The following KIF26B variants were observed in gnomAD, a reference collection of about 807,000 sequenced individuals.
The protein encoded by KIF26B is kinesin-like protein KIF26B.
In KIF26B, 63 loss-of-function variants were observed where a neutral mutation model predicts 151.2. The ratio of observed to expected loss-of-function variants is 0.42; its 90% CI spans 0.34 to 0.51. The LOEUF is 0.51. Ranked by LOEUF, KIF26B falls within the 20% of genes least tolerant of loss-of-function variation. KIF26B has a pLI of 0.07. For synonymous variants in KIF26B, 1,357 were observed against 1,262.1 expected (o/e 1.08, Z -1.59); for missense variants, 2,813 against 2,913.6 (o/e 0.97, Z 0.79).
chr1:245,327,710 A>G (rs940110249), intron 2 of KIF26B, among the ~76,000 whole-genome samples: 2 of 152,244 alleles, frequency 1.3e-5, no homozygotes, highest in African/African-American at 4.8e-5. Context: ...ATTGAGAAGG[A>G]AAGAGTCTAG....
At chr1:245,212,217 T>A (rs1173969025) in intron 2 of KIF26B, among the ~76,000 whole-genome samples, 1 of 152,168 alleles carries the variant, frequency 6.6e-6, no homozygotes, top group Non-Finnish European at 1.5e-5. Context: ...ATAATTCCAC[T>A]TGGGAGAGAA....
chr1:245,574,927 C>T (rs111972128), intron 5 of KIF26B, among the ~76,000 whole-genome samples: 3,468 of 146,018 alleles, frequency 0.024, 154 homozygotes, highest in African/African-American at 0.082. Context: ...GCCAGTGGCG[C>T]GATCTCGGCT....
chr1:245,192,614 A>G (rs1450971128), intron 2 of KIF26B, among the ~76,000 whole-genome samples: 3 of 152,250 alleles, frequency 2.0e-5, no homozygotes, highest in Non-Finnish European at 4.4e-5. Context: ...TTAAAATAAT[A>G]TAAACTTCCA....
chr1:245,423,450 C>T (rs1658541351), intron 4 of KIF26B, among the ~76,000 whole-genome samples: 1 of 151,530 alleles, frequency 6.6e-6, no homozygotes, highest in African/African-American at 2.4e-5. Flanking sequence ...CTGTGCTAAA[C>T]AGACACAGGA....
chr1:245,196,688 T>G (rs960219822), intron 2 of KIF26B, among the ~76,000 whole-genome samples: 3 of 152,166 alleles, frequency 2.0e-5, no homozygotes, highest in African/African-American at 4.8e-5. Context: ...GATATTTTTT[T>G]AAGTGCATCT....
rs1450311356 is a variant in KIF26B, at chr1:245,238,001, G to A, written c.465+81318G>A. Among the ~76,000 whole-genome samples the A allele has an allele frequency of 4.6e-5, 7 of 150,580 alleles. No homozygotes were observed. In the East Asian group the frequency reaches 1.2e-3, roughly 25 times the overall value. ...TGATTGCACTACTGCACTCCAACCT[G>A]GGCAACAGAGCAAGACCCTGTCTCA... On this transcript the variant is annotated intron_variant, in intron 2 of 14. Transcript: ENST00000407071.
intron 4 of KIF26B, among the ~76,000 whole-genome samples, chr1:245,423,709 A>G (rs1188718742): frequency 6.6e-6 from 1 of 152,020 alleles, no homozygotes; most frequent in Non-Finnish European, 1.5e-5. Flanking sequence ...GACGAAAAAT[A>G]TGTCTATCCT....
chr1:245,173,881 G>C (rs982206792), intron 2 of KIF26B, among the ~76,000 whole-genome samples: 1 of 152,236 alleles, frequency 6.6e-6, no homozygotes, highest in Non-Finnish European at 1.5e-5. Context: ...ACACGGGCCA[G>C]ACCCACGCTG....
intron 4 of KIF26B, among the ~76,000 whole-genome samples, chr1:245,423,429 G>C (rs1572054600): frequency 1.3e-5 from 2 of 151,872 alleles, no homozygotes; most frequent in African/African-American, 4.8e-5. Context: ...GAGACCCCAG[G>C]TTCCTATTCT....
chr1:245,579,116 TTTGAG>T (rs1362473389), intron 5 of KIF26B, among the ~76,000 whole-genome samples: 2 of 152,192 alleles, frequency 1.3e-5, no homozygotes, highest in Non-Finnish European at 2.9e-5. Context: ...ATTCTCTGTC[TTTGAG>T]TTATTTTCTT....
chr1:245,685,786 T>C lies in KIF26B; in HGVS notation c.2803T>C (p.Cys935Arg), dbSNP rs1257519940. The change falls in exon 12 of 15, where the codon TGC becomes CGC. Residue 935 changes from cysteine (C) to arginine (R), a missense_variant. Around this residue, in one of 3 missense-constraint regions of KIF26B, gnomAD observed 2,060 missense variants for 2,088.6 expected, o/e 0.99. Transcript: ENST00000407071. ...TGCCGAGCTGCAGGAGAGGCTGGAC[T>C]GCATCGACGGCAGCGAGGAGCCCAG... ...TFAELQERLD[C>R]IDGSEEPSSF... The C allele has an allele frequency of 6.2e-7, 1 of 1,610,210 alleles. No individual in the cohort carries two copies. Among genetic ancestry groups the C allele is most frequent in the South Asian group, 1.1e-5 (1 of 91,014 alleles).
intron 2 of KIF26B, among the ~76,000 whole-genome samples, chr1:245,200,244 A>G (rs971592838): frequency 6.6e-5 from 10 of 152,248 alleles, no homozygotes; most frequent in African/African-American, 2.4e-4. Flanking sequence ...CGACTACTGC[A>G]GCAGCACACA....
intron 2 of KIF26B, among the ~76,000 whole-genome samples, chr1:245,312,933 G>A (rs1167332347): frequency 4.6e-5 from 7 of 152,024 alleles, no homozygotes; most frequent in Admixed American, 1.3e-4. Context: ...AGGCTGAGGC[G>A]GGCAGATCAC....
At chr1:245,288,556 G>T (rs1217040715) in intron 2 of KIF26B, among the ~76,000 whole-genome samples, 1 of 152,186 alleles carries the variant, frequency 6.6e-6, no homozygotes, top group African/African-American at 2.4e-5. Context: ...GTCCATCAGG[G>T]ATGAAGTCTT....
At chr1:245,471,471 AC>A (rs1659911916) in intron 4 of KIF26B, among the ~76,000 whole-genome samples, 1 of 152,172 alleles carries the variant, frequency 6.6e-6, no homozygotes, top group African/African-American at 2.4e-5. Context: ...ACTAAAAGAC[AC>A]CTATAAAGAT....
chr1:245,243,443 T>C (rs12409668), intron 2 of KIF26B, among the ~76,000 whole-genome samples: 3,848 of 143,488 alleles, frequency 0.027, 73 homozygotes, highest in South Asian at 0.036. Context: ...TACATATATA[T>C]ATATACACAC....
chr1:245,237,667 T>TACAGA (rs1358263831), intron 2 of KIF26B, among the ~76,000 whole-genome samples: 1 of 152,134 alleles, frequency 6.6e-6, no homozygotes, highest in South Asian at 2.1e-4. Context: ...GGCAACACTG[T>TACAGA]CTTTTGTACA....
chr1:245,390,921 CAAAAAAAAAAAAAA>C (rs796799193), intron 3 of KIF26B, among the ~76,000 whole-genome samples: 3 of 13,448 alleles, frequency 2.2e-4, no homozygotes, highest in African/African-American at 4.5e-4. Context: ...GACCCTGTCT[CAAAAAAAAAAAAAA>C]AAAAAAAAAA....
At position 245,688,399 on chromosome 1, in the gene KIF26B, G is replaced by C; in HGVS notation, c.5416G>C (p.Gly1806Arg). Residue 1806 changes from glycine (G) to arginine (R), a missense_variant, in exon 12 of 15, where the codon GGG becomes CGG. Gly to Arg is a moderately radical substitution (Grantham distance 125). This residue lies in a region of KIF26B where 2,060 missense variants were observed against 2,088.6 expected (regional missense o/e 0.99). Coordinates refer to ENST00000407071, the MANE Select transcript of KIF26B (RefSeq NM_018012.4). ...CAAGCTTCCCCTGCGGGCCGTCAGC[G>C]GGCGCATCTCGGAGCTGCTGCAGGG... ...ASKLPLRAVS[G>R]RISELLQGGA... is the part of the protein sequence containing the mutation. The C allele has an allele frequency of 1.3e-6, 2 of 1,513,612 alleles. No individual in the cohort carries two copies. Among genetic ancestry groups the C allele is most frequent in the Non-Finnish European group, 1.8e-6 (2 of 1,137,852 alleles). The allele number at this position is 1,513,612 out of a possible 1,614,324, so 93.8% of individuals were successfully genotyped here.
Sources: gnomAD v4.1 joint callset for allele counts (sites outside exome capture counted in the v4.1 genomes callset) on GRCh38, gnomAD v4.1.1 for gene constraint, gnomAD v4.1.1 regional missense constraint, MANE v1.5 for transcripts, NCBI Gene and HGNC (gene_info 2026-07-23, HGNC 2026-07-21) for gene names.